C3orf22: variants seen among roughly 807,000 people sequenced by gnomAD.
C3orf22 encodes the protein chromosome 3 open reading frame 22, also known as uncharacterized protein C3orf22.
In C3orf22, 7 loss-of-function variants were observed where a neutral mutation model predicts 10.8. The ratio of observed to expected loss-of-function variants is 0.65; its 90% CI spans 0.37 to 1.22. The LOEUF (loss-of-function observed/expected upper bound fraction) is 1.22, where lower values mean the gene tolerates loss of function less well. Among genes scored for constraint, C3orf22 ranks in the 50% most tolerant of loss-of-function variants. The probability of loss-of-function intolerance (pLI) is 0.02; values close to 1 mark genes in which losing one functional copy is unlikely to be tolerated. For missense variants in C3orf22, 173 were observed against 177.0 expected, an observed-to-expected ratio of 0.98 and a Z score of 0.13; for synonymous variants, 79 against 78.9, an observed-to-expected ratio of 1.00 and a Z score of 0.00.
At chr3:126,550,735 G>A (rs1017803362) in intron 3 of C3orf22, among the ~76,000 whole-genome samples, 3 of 152,104 alleles carry the variant, frequency 2.0e-5, no homozygotes, top group African/African-American at 7.2e-5. Flanking sequence ...CCCTGGCATG[G>A]GACCAACTCC....
At chr3:126,531,056 A>G (rs779655744) in intron 4 of C3orf22, among the ~76,000 whole-genome samples, 2 of 152,264 alleles carry the variant, frequency 1.3e-5, no homozygotes, top group South Asian at 2.1e-4. Context: ...GCTGCCATCT[A>G]TTCCTTCCAC....
chr3:126,528,934 ACAGAGGCCCT>A (rs1936590961), intron 5 of C3orf22, among the ~76,000 whole-genome samples: 1 of 152,252 alleles, frequency 6.6e-6, no homozygotes, highest in African/African-American at 2.4e-5. Flanking sequence ...ATGGGGCAGG[ACAGAGGCCCT>A]CGGAGGCCAC....
Position 126,549,915 on chromosome 3 carries a change from A to G in C3orf22, c.379T>C (p.Cys127Arg), listed in dbSNP as rs756756847. 5 of 1,614,058 alleles carry G rather than the reference A, an allele frequency of 3.1e-6. No homozygotes were observed. In the South Asian group the frequency reaches 3.3e-5, roughly 11 times the overall value. The part of the protein sequence containing the change: ...LLSTRHTEAA[C>R]PQTSKAAGLS... ...CCTGCCGCCTTGCTGGTCTGGGGGC[A>G]GGCAGCCTCAGTGTGCCGGGTGGAC... is the stretch of plus-strand genomic sequence containing the variant. The change falls in exon 4 of 4, where the codon TGC (cysteine) becomes CGC (arginine). Residue 127 changes from cysteine to arginine, a missense_variant. Coordinates refer to ENST00000318225, the MANE Select transcript of C3orf22 (RefSeq NM_152533.3).
chr3:126,534,582 CAG>C (rs1468009468), intron 4 of C3orf22, among the ~76,000 whole-genome samples: 1 of 150,926 alleles, frequency 6.6e-6, no homozygotes, highest in Non-Finnish European at 1.5e-5. Context: ...GAGACACACA[CAG>C]AGAGCATCTC....
intron 4 of C3orf22, among the ~76,000 whole-genome samples, chr3:126,530,793 C>T (rs1305674726): frequency 1.3e-5 from 2 of 152,258 alleles, no homozygotes; most frequent in African/African-American, 2.4e-5. Flanking sequence ...TGTCTGGAGA[C>T]GCAAGGTCAA....
chr3:126,538,138 G>A (rs61280238), intron 4 of C3orf22, among the ~76,000 whole-genome samples: 18,052 of 152,264 alleles, frequency 0.12, 1,772 homozygotes, highest in African/African-American at 0.27. Context: ...GTGCCTATGA[G>A]CAACAGCAGT....
chr3:126,550,122 G>A (rs1000316401), intron 3 of C3orf22, 44 bp from the exon 4 acceptor site: 20 of 1,604,608 alleles, frequency 1.2e-5, no homozygotes, highest in Non-Finnish European at 1.6e-5. Flanking sequence ...CAGGACCCCT[G>A]CTGGCTGCAG....
At chr3:126,537,895 T>A (rs1936831682) in intron 4 of C3orf22, among the ~76,000 whole-genome samples, 1 of 152,204 alleles carries the variant, frequency 6.6e-6, no homozygotes, top group South Asian at 2.1e-4. Context: ...GCAAGTGCCC[T>A]GCAAAGGTCA....
intron 4 of C3orf22, chr3:126,536,119 C>T (rs1936784861): frequency 1.6e-6 from 1 of 622,352 alleles, no homozygotes; most frequent in Non-Finnish European, 2.9e-6. Flanking sequence ...TGCCATCCCC[C>T]ACTCCACCAA....
chr3:126,539,742 C>CCA (rs1423987379), intron 4 of C3orf22, among the ~76,000 whole-genome samples: 1 of 108,526 alleles, frequency 9.2e-6, no homozygotes, highest in Non-Finnish European at 1.9e-5. Flanking sequence ...ACACACACAC[C>CCA]CCACACCACA....
At chr3:126,538,583 C>T (rs1321156134) in intron 4 of C3orf22, among the ~76,000 whole-genome samples, 1 of 152,252 alleles carries the variant, frequency 6.6e-6, no homozygotes, top group East Asian at 1.9e-4. Context: ...GGAAGACTGA[C>T]AGGTGGCCGG....
chr3:126,539,796 G>GGTGT, intron 4 of C3orf22, among the ~76,000 whole-genome samples: 1 of 6,172 alleles, frequency 1.6e-4, no homozygotes, highest in Admixed American at 1.7e-3. Flanking sequence ...ACACACCACA[G>GGTGT]ACACCACACC....
chr3:126,553,332 T>C lies in C3orf22; in HGVS notation c.59A>G (p.Gln20Arg), dbSNP rs778137029. Residue 20 changes from glutamine to arginine, a missense_variant, in exon 2 of 4, where the codon CAG (glutamine) becomes CGG (arginine). Gln to Arg is a conservative substitution (Grantham distance 43, BLOSUM62 1). Coordinates refer to ENST00000318225, the MANE Select transcript of C3orf22 (RefSeq NM_152533.3). ...CGGAAACTTCTTGGCAAAATTCTCC[T>C]GGGCCTGGATCCTCCACTTCTTACT... Reference protein sequence around the residue: ...HQSKKWRIQAQENFAKKFPYR... With the variant: ...HQSKKWRIQARENFAKKFPYR... 5.0e-6 allele frequency: 8 copies of C among 1,614,134 alleles called. No homozygotes were observed. The highest frequency in any genetic ancestry group is 5.9e-6 in the Non-Finnish European group (7 of 1,179,988).
chr3:126,554,773 T>C lies in C3orf22; in HGVS notation c.-40-1343A>G, dbSNP rs182497662. Among the ~76,000 whole-genome samples the C allele has an allele frequency of 1.1e-3, 166 of 152,308 alleles. No individual in the cohort carries two copies. The Middle Eastern group carries it at 0.041, about 37-fold the overall frequency. ...TGTGACAATGCCGACTGCCTGCCAG[T>C]TTCCCCAGGTGCCACATTTCGTCCC... On this transcript the variant is annotated intron_variant, in intron 1 of 3. Transcript: ENST00000318225.
intron 3 of C3orf22, among the ~76,000 whole-genome samples, chr3:126,550,533 A>T (rs1937158191): frequency 6.6e-6 from 1 of 152,168 alleles, no homozygotes; most frequent in African/African-American, 2.4e-5. Flanking sequence ...TGCAGGACCC[A>T]GCATGCCACC....
chr3:126,556,443 C>A (rs561569179), intron 1 of C3orf22, among the ~76,000 whole-genome samples: 301 of 152,152 alleles, frequency 2.0e-3, no homozygotes, highest in Non-Finnish European at 3.8e-3. Context: ...TCCCTCCCCA[C>A]ATCCCACTTT....
At chr3:126,555,327 C>A (rs1213166505) in intron 1 of C3orf22, among the ~76,000 whole-genome samples, 1 of 152,216 alleles carries the variant, frequency 6.6e-6, no homozygotes, top group Admixed American at 6.5e-5. Flanking sequence ...GGAGGCATCA[C>A]CTGCCCATTC....
chr3:126,542,023 C>T (rs1389594748), intron 4 of C3orf22: 7 of 1,569,050 alleles, frequency 4.5e-6, no homozygotes, highest in African/African-American at 1.4e-5. Context: ...ACTTCAGCCC[C>T]GCCGAGATCA....
chr3:126,530,422 G>A (rs744233), intron 4 of C3orf22, among the ~76,000 whole-genome samples: 49,790 of 152,180 alleles, frequency 0.33, 8,325 homozygotes, highest in African/African-American at 0.38. Flanking sequence ...GCCCTGGGGC[G>A]GAGACAGGCC....
Sources: allele counts gnomAD v4.1 joint callset (sites outside exome capture counted in the v4.1 genomes callset), GRCh38; gene constraint gnomAD v4.1.1; transcripts MANE v1.5; gene names NCBI Gene and HGNC (gene_info 2026-07-23, HGNC 2026-07-21).